Variants in SV2B observed in about 807,000 individuals in gnomAD.
SV2B encodes synaptic vesicle glycoprotein 2B, also known as solute carrier family 22 member B2.
Under a neutral mutation model 73.9 loss-of-function variants are expected in SV2B, and 41 were observed. The observed-to-expected ratio is 0.56, with a 90% CI of 0.43 to 0.72. SV2B has a LOEUF of 0.72. Among genes scored for constraint, SV2B ranks in the 30% least tolerant of loss-of-function variants. The pLI, the probability that SV2B is intolerant of heterozygous loss-of-function variation, is 0.00. For missense variants in SV2B, 764 were observed against 857.8 expected, an observed-to-expected ratio of 0.89 and a Z score of 1.37; for synonymous variants, 314 against 314.2, an observed-to-expected ratio of 1.00 and a Z score of 0.01.
At chr15:91,205,882 C>G (rs1488907615) in intron 1 of SV2B, among the ~76,000 whole-genome samples, 1 of 152,200 alleles carries the variant, frequency 6.6e-6, no homozygotes, top group Non-Finnish European at 1.5e-5. Flanking sequence ...AAGCAGCAGT[C>G]ACGCACTGGA....
rs1291767281 is a variant in SV2B, at chr15:91,122,925, G to A, written c.-392+22562G>A. Reference sequence around the variant, plus strand: ...AGTTTGACAGGATTAATAAATTCAAGAGGTCTATTCTACAACCTGGTAGCT... The same window carrying A: ...AGTTTGACAGGATTAATAAATTCAAAAGGTCTATTCTACAACCTGGTAGCT... On this transcript the variant is annotated intron_variant, in intron 1 of 12. Transcript: ENST00000394232. This position sits in a 1 kb window ranked among gnomAD's most constrained non-coding sequence, Gnocchi z 4.3. Among the ~76,000 whole-genome samples the A allele has an allele frequency of 1.3e-5, 2 of 152,170 alleles. No individual in the cohort carries two copies. The highest frequency in any genetic ancestry group is 2.9e-5 in the Non-Finnish European group (2 of 68,022).
chr15:91,248,299 T>C (rs933415922), intron 2 of SV2B, among the ~76,000 whole-genome samples: 3 of 152,128 alleles, frequency 2.0e-5, no homozygotes, highest in Admixed American at 6.5e-5. Context: ...CCAGCCTGGG[T>C]GACAGAGCAT....
At position 91,258,327 on chromosome 15, in the gene SV2B, GC is replaced by G. The variant is rs2047775556; in HGVS notation, c.785-91del. ...CCACCTCCCCGGGTGACTCTCTTGTGCCCTGAAGTTTGTGAGCCAGGGCTTC... is the reference window on the plus strand; with the variant it reads ...CCACCTCCCCGGGTGACTCTCTTGTGCCTGAAGTTTGTGAGCCAGGGCTTC... On this transcript the variant is annotated intron_variant, in intron 4 of 12. Coordinates refer to ENST00000394232, the MANE Select transcript of SV2B (RefSeq NM_001323032.3). The surrounding 1 kb of genome is among the most constrained non-coding windows in gnomAD (Gnocchi z 4.7). 6.5e-7 allele frequency: 1 copy of G among 1,547,676 alleles called. No individual in the cohort carries two copies. The highest frequency in any genetic ancestry group is 1.3e-5 in the South Asian group (1 of 77,788).
chr15:91,248,985 A>C (rs144618127), intron 2 of SV2B, among the ~76,000 whole-genome samples: 3,498 of 151,832 alleles, frequency 0.023, 62 homozygotes, highest in Middle Eastern at 0.078. Flanking sequence ...CCCTGCTTTC[A>C]GTTTATGGGC....
At chr15:91,168,332 A>AGAGAGAGAGAGAGAG (rs1567308862) in intron 1 of SV2B, among the ~76,000 whole-genome samples, 14 of 78,408 alleles carry the variant, frequency 1.8e-4, no homozygotes, top group African/African-American at 5.1e-4. Flanking sequence ...GAGAGAGAGA[A>AGAGAGAGAGAGAGAG]AAGAAATTTC....
rs2041878145 is a variant in SV2B at position 91,106,202 on chromosome 15, G to A, written c.-392+5839G>A. Among the ~76,000 whole-genome samples the A allele has an allele frequency of 6.6e-6, 1 of 152,180 alleles. No individual in the cohort carries two copies. Among genetic ancestry groups the A allele is most frequent in the African/African-American group, 2.4e-5 (1 of 41,428 alleles). On this transcript the variant is annotated intron_variant, in intron 1 of 12. Transcript: ENST00000394232. This position sits in a 1 kb window ranked among gnomAD's most constrained non-coding sequence, Gnocchi z 4.4. The stretch of plus-strand genomic sequence containing the variant: ...GGATGGAGTAGCACTTTAGTGAGGT[G>A]GAGAGGAAACAGTGATGGGGTTTAA...
At chr15:91,183,141 G>A (rs1243078596) in intron 1 of SV2B, among the ~76,000 whole-genome samples, 1 of 152,194 alleles carries the variant, frequency 6.6e-6, no homozygotes, top group Admixed American at 6.5e-5. Flanking sequence ...ACGTTGTCTG[G>A]GGTCTAGAAA....
In SV2B at chr15:91,132,910, T is replaced by C. The variant is rs1162885335; in HGVS notation, c.-392+32547T>C. On this transcript the variant is annotated intron_variant, in intron 1 of 12. Transcript: ENST00000394232. This position sits in a 1 kb window ranked among gnomAD's most constrained non-coding sequence, Gnocchi z 4.6. ...GCATGTCTCTGGTTCCTCATGGGAA[T>C]TGGCGCCATTTCACTTAAGGCCAGT... Among the ~76,000 whole-genome samples, 3 of 152,220 alleles carry C rather than the reference T, an allele frequency of 2.0e-5. No homozygotes were observed. Among genetic ancestry groups the C allele is most frequent in the African/African-American group, 2.4e-5 (1 of 41,452 alleles).
At position 91,292,727 on chromosome 15, in the gene SV2B, T is replaced by G; in HGVS notation, c.*175T>G. On this transcript the variant is annotated 3_prime_UTR_variant, in exon 13 of 13. Coordinates refer to ENST00000394232, the MANE Select transcript of SV2B (RefSeq NM_001323032.3). ...GCTGTCAATATGTTTGTAACTCAGGTGACTGATTTGGGGGTGCCCTGAGCC... is the reference window on the plus strand; with the variant it reads ...GCTGTCAATATGTTTGTAACTCAGGGGACTGATTTGGGGGTGCCCTGAGCC... The G allele has an allele frequency of 2.6e-6, 2 of 757,760 alleles. No homozygotes were observed. Among genetic ancestry groups the G allele is most frequent in the South Asian group, 4.8e-5 (2 of 42,030 alleles). 46.9% of individuals were successfully genotyped at this position (757,760 alleles called of 1,614,324 possible).
At position 91,132,376 on chromosome 15, in the gene SV2B, A is replaced by C. The variant is rs769149484; in HGVS notation, c.-392+32013A>C. ...CTGTGCAAACATTGGTTGCAAAAAC[A>C]ATCAGGGGTTAGGGTGAAGTAAAGT... On this transcript the variant is annotated intron_variant, in intron 1 of 12. Transcript: ENST00000394232. The surrounding 1 kb of genome is among the most constrained non-coding windows in gnomAD (Gnocchi z 4.6). Among the ~76,000 whole-genome samples the C allele has an allele frequency of 6.6e-6, 1 of 152,214 alleles. No homozygotes were observed. The highest frequency in any genetic ancestry group is 1.9e-4 in the East Asian group (1 of 5,188).
chr15:91,143,326 T>G (rs771492780), intron 1 of SV2B, among the ~76,000 whole-genome samples: 67 of 152,130 alleles, frequency 4.4e-4, no homozygotes, highest in Admixed American at 8.5e-4. Context: ...TCAAATATGT[T>G]CCCCAGTTGA....
At chr15:91,215,659 T>G (rs1451580784) in intron 1 of SV2B, among the ~76,000 whole-genome samples, 1 of 152,170 alleles carries the variant, frequency 6.6e-6, no homozygotes, top group Non-Finnish European at 1.5e-5. Context: ...TTACCTGGTA[T>G]TATAGTGTCA....
intron 1 of SV2B, among the ~76,000 whole-genome samples, chr15:91,195,613 A>G (rs958053244): frequency 3.9e-5 from 6 of 152,236 alleles, no homozygotes; most frequent in Non-Finnish European, 5.9e-5. Context: ...TTATGGCAGC[A>G]TGGTGTAACC....
intron 1 of SV2B, among the ~76,000 whole-genome samples, chr15:91,159,975 A>G (rs1222067059): frequency 6.6e-6 from 1 of 152,194 alleles, no homozygotes; most frequent in Non-Finnish European, 1.5e-5. Flanking sequence ...ATAAAAATTG[A>G]CAAAACTACA....
At chr15:91,275,082 A>T (rs1452207200) in intron 9 of SV2B, among the ~76,000 whole-genome samples, 1 of 151,982 alleles carries the variant, frequency 6.6e-6, no homozygotes, top group South Asian at 2.1e-4. Flanking sequence ...ACCTAAACTG[A>T]CTCTCTTTAT....
intron 1 of SV2B, among the ~76,000 whole-genome samples, chr15:91,173,404 G>T: frequency 6.6e-6 from 1 of 152,162 alleles, no homozygotes; most frequent in East Asian, 1.9e-4. Context: ...CTTAGGCAGG[G>T]TCTGATCTTA....
At position 91,140,857 on chromosome 15, in the gene SV2B, G is replaced by A. The variant is rs968041495; in HGVS notation, c.-392+40494G>A. Among the ~76,000 whole-genome samples, 2 of 151,642 alleles carry A rather than the reference G, an allele frequency of 1.3e-5. No homozygotes were observed. The highest frequency in any genetic ancestry group is 2.9e-5 in the Non-Finnish European group (2 of 67,898). On this transcript the variant is annotated intron_variant, in intron 1 of 12. Transcript: ENST00000394232. This position sits in a 1 kb window ranked among gnomAD's most constrained non-coding sequence, Gnocchi z 4.4. ...CCCTGGTTGATTAGAGCCTTGCTGG[G>A]GGTTGATAAACACACACCGAGATAG...
At chr15:91,161,020 A>G (rs2043695408) in intron 1 of SV2B, among the ~76,000 whole-genome samples, 1 of 126,130 alleles carries the variant, frequency 7.9e-6, no homozygotes, top group Non-Finnish European at 1.7e-5. Flanking sequence ...CCACGGATTA[A>G]CCTCAAAACA....
chr15:91,167,114 T>C (rs1195882831), intron 1 of SV2B, among the ~76,000 whole-genome samples: 2 of 152,046 alleles, frequency 1.3e-5, no homozygotes, highest in Non-Finnish European at 2.9e-5. Context: ...CGCCCGGCCG[T>C]ATAGTTTTTA....
Sources: allele counts gnomAD v4.1 joint callset (sites outside exome capture counted in the v4.1 genomes callset), GRCh38; gene constraint gnomAD v4.1.1; non-coding constraint Gnocchi (gnomAD v3.1); transcripts MANE v1.5; gene names NCBI Gene and HGNC (gene_info 2026-07-23, HGNC 2026-07-21).